The following GPR19 variants were observed in gnomAD, a reference collection of about 807,000 sequenced individuals.
The protein encoded by GPR19 is probable G protein-coupled receptor 19.
GPR19 carries 14 observed loss-of-function variants against 28.5 expected under a neutral mutation model. The observed-to-expected ratio is 0.49, with a 90% CI of 0.32 to 0.77. The LOEUF is 0.77. Ranked by LOEUF, GPR19 falls within the 30% of genes least tolerant of loss-of-function variation. The probability of loss-of-function intolerance (pLI) is 0.03; values close to 1 mark genes in which losing one functional copy is unlikely to be tolerated. For synonymous variants in GPR19, 173 were observed against 184.1 expected (o/e 0.94, Z 0.49); for missense variants, 409 against 504.1 (o/e 0.81, Z 1.81).
intron 3 of GPR19, among the ~76,000 whole-genome samples, chr12:12,676,417 G>A (rs1348559152): frequency 6.6e-6 from 1 of 151,950 alleles, no homozygotes; most frequent in Non-Finnish European, 1.5e-5. Context: ...CTTTCATCTG[G>A]CAGAGAGCTC....
At chr12:12,710,399 G>A in the GPR19 span, among the ~76,000 whole-genome samples, 19 of 150,552 alleles carry the variant, frequency 1.3e-4, no homozygotes, top group Middle Eastern at 3.5e-3. Flanking sequence ...TCCTGTACCC[G>A]TGTAACTGTT....
At chr12:12,668,488 T>C (rs1318384596) in intron 3 of GPR19, among the ~76,000 whole-genome samples, 4 of 152,084 alleles carry the variant, frequency 2.6e-5, no homozygotes, top group Non-Finnish European at 4.4e-5. Flanking sequence ...AACTGTTGGA[T>C]AGGTTTTTTA....
At chr12:12,679,885 TAAC>T (rs1592262176) in intron 3 of GPR19, among the ~76,000 whole-genome samples, 2 of 152,122 alleles carry the variant, frequency 1.3e-5, no homozygotes, top group African/African-American at 4.8e-5. Flanking sequence ...GAATAAATAA[TAAC>T]AATACTCACT....
At chr12:12,677,652 T>C (rs143430842) in intron 3 of GPR19, among the ~76,000 whole-genome samples, 1 of 152,328 alleles carries the variant, frequency 6.6e-6, no homozygotes, top group East Asian at 1.9e-4. Context: ...AAAACATGGC[T>C]GAACATGTAT....
chr12:12,692,389 C>CTT (rs11399926), intron 2 of GPR19, among the ~76,000 whole-genome samples: 89 of 150,332 alleles, frequency 5.9e-4, no homozygotes, highest in Non-Finnish European at 8.7e-4. Context: ...CTTCTCTTGT[C>CTT]TTTTTTTTTG....
intron 2 of GPR19, among the ~76,000 whole-genome samples, chr12:12,691,456 C>T (rs555531637): frequency 1.3e-5 from 2 of 152,264 alleles, no homozygotes; most frequent in African/African-American, 4.8e-5. Flanking sequence ...TCTGCCTTGT[C>T]CTCTTTGTGA....
At chr12:12,709,904 TGTCTGATCAACTTC>T in the GPR19 span, among the ~76,000 whole-genome samples, 1 of 152,192 alleles carries the variant, frequency 6.6e-6, no homozygotes, top group African/African-American at 2.4e-5. Context: ...CCTCTCCCCT[TGTCTGATCAACTTC>T]GGTAAGGGAA....
At chr12:12,694,497 C>T (rs1422741146) in intron 2 of GPR19, among the ~76,000 whole-genome samples, 1 of 151,800 alleles carries the variant, frequency 6.6e-6, no homozygotes, top group Non-Finnish European at 1.5e-5. Flanking sequence ...TGAGCTACCG[C>T]GCCTGACCCG....
At chr12:12,712,896 T>G in the GPR19 span, among the ~76,000 whole-genome samples, 1 of 152,070 alleles carries the variant, frequency 6.6e-6, no homozygotes, top group Non-Finnish European at 1.5e-5. Context: ...GACAAATATT[T>G]CTTCACTTCC....
chr12:12,716,877 TC>T, the GPR19 span: 24 of 983,958 alleles, frequency 2.4e-5, no homozygotes, highest in Admixed American at 6.2e-5. Context: ...CTCCGCGGCC[TC>T]CCCCGCAGAC....
At chr12:12,703,112 C>G in the GPR19 span, among the ~76,000 whole-genome samples, 1 of 152,220 alleles carries the variant, frequency 6.6e-6, no homozygotes, top group Non-Finnish European at 1.5e-5. Context: ...GTCTCTGTAA[C>G]TCTAGCACTC....
the GPR19 span, among the ~76,000 whole-genome samples, chr12:12,704,863 G>A: frequency 4.6e-5 from 7 of 152,132 alleles, no homozygotes; most frequent in Non-Finnish European, 1.0e-4. Flanking sequence ...TGGCCACAGA[G>A]CGCCTAACTA....
At chr12:12,717,092 C>T in the GPR19 span, 1 of 1,011,080 alleles carries the variant, frequency 9.9e-7, no homozygotes, top group Non-Finnish European at 1.2e-6. Flanking sequence ...GCCCCAGGTT[C>T]CCGGCCGTTT....
At chr12:12,717,082 G>C in the GPR19 span, 1 of 1,009,906 alleles carries the variant, frequency 9.9e-7, no homozygotes. Flanking sequence ...CTCAGGCCCC[G>C]CCCCAGGTTC....
chr12:12,667,696 G>GAA (rs3080708), intron 3 of GPR19, among the ~76,000 whole-genome samples: 1 of 122,008 alleles, frequency 8.2e-6, no homozygotes, highest in African/African-American at 3.0e-5. Context: ...ATCTCAATTA[G>GAA]AAAAAAAAAA....
At chr12:12,667,520 G>A (rs531793377) in intron 3 of GPR19, among the ~76,000 whole-genome samples, 4 of 152,004 alleles carry the variant, frequency 2.6e-5, no homozygotes, top group East Asian at 3.9e-4. Context: ...GCAAAACCCC[G>A]TCTCTACTAA....
intron 2 of GPR19, among the ~76,000 whole-genome samples, chr12:12,686,872 C>T (rs1946105100): frequency 6.6e-6 from 1 of 152,140 alleles, no homozygotes. Context: ...TCCAGGATGA[C>T]TGCATGTATA....
chr12:12,685,613 G>T (rs1946086590), intron 2 of GPR19, among the ~76,000 whole-genome samples: 1 of 152,120 alleles, frequency 6.6e-6, no homozygotes, highest in African/African-American at 2.4e-5. Flanking sequence ...TGCTGAGGAG[G>T]GATTTAAACA....
At chr12:12,716,182 G>A in the GPR19 span, among the ~76,000 whole-genome samples, 1 of 152,206 alleles carries the variant, frequency 6.6e-6, no homozygotes, top group Non-Finnish European at 1.5e-5. Context: ...CTGCAAAAGG[G>A]AGAAGAGAAA....
Sources: allele counts gnomAD v4.1 joint callset (sites outside exome capture counted in the v4.1 genomes callset), GRCh38; gene constraint gnomAD v4.1.1; transcripts MANE v1.5; gene names NCBI Gene and HGNC (gene_info 2026-07-23, HGNC 2026-07-21).